Variants in UTRN observed in about 807,000 individuals in gnomAD.
The protein encoded by UTRN is utrophin, also known as dystrophin-related protein 1.
In UTRN, 283 loss-of-function variants were observed where a neutral mutation model predicts 463.9. The observed-to-expected ratio is 0.61, with a 90% CI of 0.55 to 0.67. The LOEUF (loss-of-function observed/expected upper bound fraction) is 0.67, where lower values mean the gene tolerates loss of function less well. Among genes scored for constraint, UTRN ranks in the 30% least tolerant of loss-of-function variants. The probability of loss-of-function intolerance (pLI) is 0.00; values close to 1 mark genes in which losing one functional copy is unlikely to be tolerated. For missense variants in UTRN, 3,922 were observed against 4,084.3 expected (o/e 0.96, Z 1.08); for synonymous variants, 1,442 against 1,431.5 (o/e 1.01, Z -0.17).
chr6:144,727,496 T>A (rs545962775), intron 53 of UTRN, among the ~76,000 whole-genome samples: 1 of 152,192 alleles, frequency 6.6e-6, no homozygotes, highest in African/African-American at 2.4e-5. Flanking sequence ...TGGTGGCCCA[T>A]GCCTATAATC....
intron 51 of UTRN, among the ~76,000 whole-genome samples, chr6:144,645,403 A>G (rs1310370226): frequency 1.3e-5 from 2 of 152,214 alleles, no homozygotes; most frequent in South Asian, 2.1e-4. Context: ...CTTTAAATTC[A>G]CTGGCTTCAA....
chr6:144,736,936 C>G (rs1344981172), intron 54 of UTRN, among the ~76,000 whole-genome samples: 1 of 152,204 alleles, frequency 6.6e-6, no homozygotes, highest in South Asian at 2.1e-4. Context: ...CTCATTTGCC[C>G]ACGCAGCTGC....
At chr6:144,449,226 G>C (rs946600927) in intron 17 of UTRN, among the ~76,000 whole-genome samples, 3 of 152,230 alleles carry the variant, frequency 2.0e-5, no homozygotes, top group Middle Eastern at 3.4e-3. Flanking sequence ...TATATCTTCT[G>C]TCTGCTCTAG....
intron 9 of UTRN, among the ~76,000 whole-genome samples, chr6:144,431,367 CCT>C (rs1445265027): frequency 6.6e-6 from 1 of 152,136 alleles, no homozygotes; most frequent in Non-Finnish European, 1.5e-5. Context: ...TGTATTAACA[CCT>C]CTTCATTTGC....
intron 58 of UTRN, among the ~76,000 whole-genome samples, chr6:144,758,937 A>G (rs1204437543): frequency 6.6e-6 from 1 of 152,038 alleles, no homozygotes; most frequent in Admixed American, 6.6e-5. Flanking sequence ...CATTTCTAAC[A>G]TGGGGTGTGG....
At chr6:144,430,400 CATAAG>C (rs1241175551) in intron 9 of UTRN, among the ~76,000 whole-genome samples, 1 of 152,084 alleles carries the variant, frequency 6.6e-6, no homozygotes, top group Non-Finnish European at 1.5e-5. Context: ...CCTTGTAATT[CATAAG>C]ATGAGAGAAT....
intron 14 of UTRN, among the ~76,000 whole-genome samples, chr6:144,445,810 C>T (rs932540258): frequency 6.6e-6 from 1 of 152,048 alleles, no homozygotes; most frequent in African/African-American, 2.4e-5. Context: ...TTTGGGAGGC[C>T]GAGGCGGGCA....
chr6:144,347,218 A>C (rs1336474232), intron 2 of UTRN, among the ~76,000 whole-genome samples: 1 of 152,192 alleles, frequency 6.6e-6, no homozygotes, highest in Non-Finnish European at 1.5e-5. Flanking sequence ...AAGATTCACT[A>C]CTTGGGTCCC....
At chr6:144,319,562 G>A (rs895501885) in intron 2 of UTRN, among the ~76,000 whole-genome samples, 1 of 152,208 alleles carries the variant, frequency 6.6e-6, no homozygotes, top group East Asian at 1.9e-4. Context: ...TCTATCTTCA[G>A]TTTTTGGTCC....
chr6:144,788,268 G>A (rs572025592), intron 61 of UTRN, among the ~76,000 whole-genome samples: 16 of 152,150 alleles, frequency 1.1e-4, no homozygotes, highest in Non-Finnish European at 2.2e-4. Context: ...TATTAAAATT[G>A]CAATAGTAAT....
chr6:144,411,745 G>T (rs980293050), intron 3 of UTRN, among the ~76,000 whole-genome samples: 2 of 152,014 alleles, frequency 1.3e-5, no homozygotes, highest in Non-Finnish European at 2.9e-5. Flanking sequence ...AGTTAATGAG[G>T]CATACTCTGT....
chr6:144,334,642 G>A (rs566306217), intron 2 of UTRN, among the ~76,000 whole-genome samples: 2 of 152,310 alleles, frequency 1.3e-5, no homozygotes, highest in South Asian at 4.1e-4. Flanking sequence ...GTTTGGCTAT[G>A]ACTGAGGAAG....
intron 12 of UTRN, 59 bp downstream of exon 12, chr6:144,438,954 A>T: frequency 1.3e-6 from 2 of 1,560,624 alleles, no homozygotes; most frequent in Non-Finnish European, 1.8e-6. Flanking sequence ...AGCACTTAGC[A>T]TCTCAGAGGC....
chr6:144,731,296 A>G (rs1459370283), intron 54 of UTRN, among the ~76,000 whole-genome samples: 3 of 152,200 alleles, frequency 2.0e-5, no homozygotes, highest in Admixed American at 6.5e-5. Context: ...TAAACTTAAG[A>G]GAAAATGTGT....
At chr6:144,315,967 CT>C (rs1775261615) in intron 2 of UTRN, among the ~76,000 whole-genome samples, 1 of 152,218 alleles carries the variant, frequency 6.6e-6, no homozygotes, top group Non-Finnish European at 1.5e-5. Flanking sequence ...TACACTCCCT[CT>C]TTCAAAATGG....
chr6:144,587,333 G>A (rs1802561077), intron 51 of UTRN, among the ~76,000 whole-genome samples: 1 of 152,146 alleles, frequency 6.6e-6, no homozygotes, highest in Non-Finnish European at 1.5e-5. Context: ...ATTCCACCTG[G>A]GAAGTCACGA....
At chr6:144,685,424 A>G (rs977606098) in intron 52 of UTRN, among the ~76,000 whole-genome samples, 3 of 152,086 alleles carry the variant, frequency 2.0e-5, no homozygotes, top group Non-Finnish European at 4.4e-5. Flanking sequence ...CACATAGTGG[A>G]TGTACTTTTA....
At position 144,852,468 on chromosome 6, in the gene UTRN, A is replaced by T. The variant is rs1042932314; in HGVS notation, c.*1471A>T. On this transcript the variant is annotated 3_prime_UTR_variant, in exon 75 of 75. Transcript: ENST00000367545. ...CTGGGATCTGGCCAGAAGGAGGCTT[A>T]AAGTTAGAAATTGCTATTATTTTAG... The T allele has an allele frequency of 2.6e-5, 4 of 152,580 alleles. No individual in the cohort carries two copies. Among genetic ancestry groups the T allele is most frequent in the African/African-American group, 9.6e-5 (4 of 41,454 alleles). The allele number at this position is 152,580 out of a possible 1,614,324, so 9.5% of individuals were successfully genotyped here.
chr6:144,368,393 G>T (rs760560158), intron 2 of UTRN, among the ~76,000 whole-genome samples: 1 of 152,156 alleles, frequency 6.6e-6, no homozygotes, highest in Admixed American at 6.5e-5. Context: ...TAATTTGTTG[G>T]TATATGTTAA....
Sources: gnomAD v4.1 joint callset for allele counts (sites outside exome capture counted in the v4.1 genomes callset) on GRCh38, gnomAD v4.1.1 for gene constraint, MANE v1.5 for transcripts, NCBI Gene and HGNC (gene_info 2026-07-23, HGNC 2026-07-21) for gene names.